RNF111: variants seen among roughly 807,000 people sequenced by gnomAD.
The protein encoded by RNF111 is ring finger protein 111.
In RNF111, 17 loss-of-function variants were observed where a neutral mutation model predicts 95.1. The observed-to-expected ratio is 0.18, with a 90% CI of 0.12 to 0.27. The LOEUF (loss-of-function observed/expected upper bound fraction) is 0.27, where lower values mean the gene tolerates loss of function less well. Ranked by LOEUF, RNF111 falls within the 10% of genes least tolerant of loss-of-function variation. RNF111 has a pLI of 1.00. For synonymous variants in RNF111, 440 were observed against 414.8 expected (o/e 1.06, Z -0.74); for missense variants, 1,189 against 1,210.4 (o/e 0.98, Z 0.26).
intron 7 of RNF111, among the ~76,000 whole-genome samples, chr15:59,076,949 C>T (rs1186010559): frequency 6.6e-6 from 1 of 152,176 alleles, no homozygotes; most frequent in Non-Finnish European, 1.5e-5. Flanking sequence ...TTTTCACTTA[C>T]ATATCTTCTT....
chr15:59,009,494 T>C (rs1247525335), intron 1 of RNF111, among the ~76,000 whole-genome samples: 2 of 149,910 alleles, frequency 1.3e-5, no homozygotes, highest in Non-Finnish European at 1.5e-5. Flanking sequence ...TCTGAAATTA[T>C]CAAATTCTAA....
In RNF111 at chr15:59,094,919, T is replaced by G; in HGVS notation, c.*19T>G. On this transcript the variant is annotated 3_prime_UTR_variant, in exon 14 of 14. Coordinates refer to ENST00000348370, the MANE Select transcript of RNF111 (RefSeq NM_017610.8). ...AAGTTGACACCATGTTTCAGAACTC[T>G]TGCCCTCCCTCTCATTCCCATCCTT... The G allele has an allele frequency of 2.9e-6, 4 of 1,381,544 alleles. No individual in the cohort carries two copies. Among genetic ancestry groups the G allele is most frequent in the Non-Finnish European group, 4.1e-6 (4 of 967,924 alleles). The allele number at this position is 1,381,544 out of a possible 1,614,324, so 85.6% of individuals were successfully genotyped here.
chr15:59,094,995 G>A lies in RNF111; in HGVS notation c.*95G>A. The A allele has an allele frequency of 1.3e-6, 1 of 796,134 alleles. No individual in the cohort carries two copies. Among genetic ancestry groups the A allele is most frequent in the Non-Finnish European group, 2.2e-6 (1 of 446,198 alleles). 49.3% of individuals were successfully genotyped at this position (796,134 alleles called of 1,614,324 possible). Reference sequence around the variant, plus strand: ...GGCATGACTTACCTGCGCAGATTTGGAAGCATTGAACTTAGAGTGCTGGCT... The same window carrying A: ...GGCATGACTTACCTGCGCAGATTTGAAAGCATTGAACTTAGAGTGCTGGCT... On this transcript the variant is annotated 3_prime_UTR_variant, in exon 14 of 14. Transcript: ENST00000348370.
chr15:59,064,379 CA>C (rs1293976953), intron 5 of RNF111, among the ~76,000 whole-genome samples: 2 of 151,466 alleles, frequency 1.3e-5, no homozygotes, highest in Non-Finnish European at 2.9e-5. Flanking sequence ...ACTAAAAATA[CA>C]AAAAAATTAG....
chr15:59,026,612 G>A (rs1269776594), intron 1 of RNF111, among the ~76,000 whole-genome samples: 2 of 152,080 alleles, frequency 1.3e-5, no homozygotes, highest in Admixed American at 6.5e-5. Context: ...AATATTATCT[G>A]TTATATTTGC....
Position 59,095,092 on chromosome 15 carries a change from CT to C in RNF111, c.*200del, listed in dbSNP as rs1311530993. On this transcript the variant is annotated 3_prime_UTR_variant, in exon 14 of 14. Coordinates refer to ENST00000348370, the MANE Select transcript of RNF111 (RefSeq NM_017610.8). The stretch of plus-strand genomic sequence containing the variant: ...GTTGATTTTGATGTATTTATAAAAG[CT>C]TTTTTTTCTAGATTTGACATTTTTC... 8 of 507,274 alleles carry C rather than the reference CT, an allele frequency of 1.6e-5. No individual in the cohort carries two copies. The highest frequency in any genetic ancestry group is 2.1e-5 in the Non-Finnish European group (6 of 287,198). The allele number at this position is 507,274 out of a possible 1,614,324, so 31.4% of individuals were successfully genotyped here. A position where few individuals can be genotyped will look rare whatever the true frequency, so the allele number is the denominator to read the frequency against.
rs939383081 is a variant in RNF111, at chr15:58,988,076, G to C, written c.-20+8G>C. ...GGGTGGCTAATGATTAAGGTGAGGG[G>C]AACGGGGGGGGAGGGGATCCATTGG... On this transcript the variant is annotated splice_region_variant and intron_variant, in intron 1 of 13. Coordinates refer to ENST00000348370, the MANE Select transcript of RNF111 (RefSeq NM_017610.8). The C allele has an allele frequency of 7.1e-6, 1 of 140,148 alleles. No individual in the cohort carries two copies. The highest frequency in any genetic ancestry group is 1.6e-5 in the Non-Finnish European group (1 of 64,476). 8.7% of individuals were successfully genotyped at this position (140,148 alleles called of 1,614,324 possible). A position where few individuals can be genotyped will look rare whatever the true frequency, so the allele number is the denominator to read the frequency against.
At chr15:58,989,735 T>C (rs2141338737) in intron 1 of RNF111, among the ~76,000 whole-genome samples, 1 of 152,354 alleles carries the variant, frequency 6.6e-6, no homozygotes, top group Non-Finnish European at 1.5e-5. Flanking sequence ...GCTGTTGTGA[T>C]GTTTAAGAGA....
At chr15:59,063,011 T>G (rs1329086497) in intron 5 of RNF111, among the ~76,000 whole-genome samples, 1 of 152,200 alleles carries the variant, frequency 6.6e-6, no homozygotes, top group African/African-American at 2.4e-5. Flanking sequence ...CAGCATTGCT[T>G]TATGCTATGC....
chr15:59,052,189 A>G (rs1294825509), intron 2 of RNF111, 116 bp from the exon 3 acceptor site: 3 of 939,826 alleles, frequency 3.2e-6, no homozygotes, highest in African/African-American at 3.4e-5. Context: ...TTTTTGACAG[A>G]TAAGATTTTT....
chr15:59,033,335 A>C (rs1353850869), intron 2 of RNF111, among the ~76,000 whole-genome samples: 1 of 152,140 alleles, frequency 6.6e-6, no homozygotes, highest in Non-Finnish European at 1.5e-5. Context: ...CCAGAACCCT[A>C]AACCAGTAAC....
chr15:59,082,064 G>A (rs2078760703), intron 8 of RNF111, among the ~76,000 whole-genome samples: 1 of 152,100 alleles, frequency 6.6e-6, no homozygotes, highest in Non-Finnish European at 1.5e-5. Flanking sequence ...GGTGACACAG[G>A]GAGACCCTGT....
intron 1 of RNF111, among the ~76,000 whole-genome samples, chr15:59,006,889 C>T (rs146172859): frequency 1.4e-3 from 212 of 152,280 alleles, no homozygotes; most frequent in African/African-American, 4.5e-3. Flanking sequence ...CGGGTTCAAG[C>T]AGTTCTCTGC....
intron 1 of RNF111, among the ~76,000 whole-genome samples, chr15:59,013,313 A>G (rs74017340): frequency 0.061 from 9,354 of 152,248 alleles, 990 homozygotes; most frequent in African/African-American, 0.21. Context: ...TGTCATGACT[A>G]AGAGACCCAC....
At chr15:59,047,195 A>C (rs2041754764) in intron 2 of RNF111, among the ~76,000 whole-genome samples, 1 of 152,186 alleles carries the variant, frequency 6.6e-6, no homozygotes, top group Non-Finnish European at 1.5e-5. Context: ...ACATTTCACC[A>C]AAGTGGCTAA....
At chr15:59,020,403 A>G (rs1308405290) in intron 1 of RNF111, among the ~76,000 whole-genome samples, 1 of 152,078 alleles carries the variant, frequency 6.6e-6, no homozygotes, top group Non-Finnish European at 1.5e-5. Context: ...GTATGCCCCT[A>G]TGACTTGTAG....
intron 1 of RNF111, among the ~76,000 whole-genome samples, chr15:59,006,913 G>A (rs2039566891): frequency 1.3e-5 from 2 of 152,176 alleles, no homozygotes; most frequent in South Asian, 4.1e-4. Flanking sequence ...AGCCCCCCGA[G>A]TAGCTGGGAT....
At position 59,081,001 on chromosome 15, in the gene RNF111, C is replaced by T. The variant is rs945648290; in HGVS notation, c.2014C>T (p.Pro672Ser). The T allele has an allele frequency of 3.1e-6, 5 of 1,614,102 alleles. No homozygotes were observed. The highest frequency in any genetic ancestry group is 1.3e-5 in the African/African-American group (1 of 75,026). The change falls in exon 8 of 14, where the codon CCT becomes TCT. Residue 672 changes from proline (P) to serine (S), a missense_variant. Around this residue, in one of 2 missense-constraint regions of RNF111, gnomAD observed 1,024 missense variants for 925.9 expected, o/e 1.11. Transcript: ENST00000348370. ...SACPHSHGNPPPQTQPPPQVD... is the reference protein window; with the variant it reads ...SACPHSHGNPSPQTQPPPQVD... ...CTGCCCGCATTCTCATGGAAACCCCCCTCCTCAGACTCAGCCTCCGCCTCA... is the reference window on the plus strand; with the variant it reads ...CTGCCCGCATTCTCATGGAAACCCCTCTCCTCAGACTCAGCCTCCGCCTCA...
At chr15:59,028,172 C>G (rs945059414) in intron 1 of RNF111, among the ~76,000 whole-genome samples, 3 of 152,184 alleles carry the variant, frequency 2.0e-5, no homozygotes, top group African/African-American at 7.2e-5. Flanking sequence ...ATCCCCAGCC[C>G]TAGGTAACCA....
Sources: gnomAD v4.1 joint callset for allele counts (sites outside exome capture counted in the v4.1 genomes callset) on GRCh38, gnomAD v4.1.1 for gene constraint, gnomAD v4.1.1 regional missense constraint, MANE v1.5 for transcripts, NCBI Gene and HGNC (gene_info 2026-07-23, HGNC 2026-07-21) for gene names.